The following ZNF385D variants were observed in gnomAD, a reference collection of about 807,000 sequenced individuals.
ZNF385D encodes the protein zinc finger protein 385D, also known as zinc finger protein 659.
In ZNF385D, 15 loss-of-function variants were observed where a neutral mutation model predicts 35.8. The ratio of observed to expected loss-of-function variants is 0.42; its 90% confidence interval spans 0.28 to 0.64. The LOEUF is 0.64. Ranked by LOEUF, ZNF385D falls within the 30% of genes least tolerant of loss-of-function variation. The pLI is 0.23. For missense variants in ZNF385D, 474 were observed against 494.6 expected, an observed-to-expected ratio of 0.96 and a Z score of 0.39; for synonymous variants, 212 against 186.8, an observed-to-expected ratio of 1.13 and a Z score of -1.10.
intron 2 of ZNF385D, among the ~76,000 whole-genome samples, chr3:21,591,279 C>T (rs1378724091): frequency 6.6e-6 from 1 of 151,502 alleles, no homozygotes; most frequent in Non-Finnish European, 1.5e-5. Context: ...TTTTTTTTTA[C>T]AAGTGCCCCC....
chr3:21,522,674 TG>T (rs1707983516), intron 3 of ZNF385D, among the ~76,000 whole-genome samples: 1 of 152,054 alleles, frequency 6.6e-6, no homozygotes, highest in African/African-American at 2.4e-5. Flanking sequence ...CGAAGTGGTT[TG>T]GGGACTAGAT....
intron 2 of ZNF385D, among the ~76,000 whole-genome samples, chr3:22,201,709 T>C (rs1696812173): frequency 6.6e-6 from 1 of 151,954 alleles, no homozygotes; most frequent in African/African-American, 2.4e-5. Flanking sequence ...TGACCACATA[T>C]TTGTAATACT....
upstream of ZNF385D, among the ~76,000 whole-genome samples, chr3:21,755,463 A>G (rs936259417): frequency 6.6e-6 from 1 of 152,198 alleles, no homozygotes; most frequent in Non-Finnish European, 1.5e-5. Flanking sequence ...TATGGCTATA[A>G]TTCACCTGAA....
At chr3:21,770,769 G>A (rs1266744693) in intron 3 of ZNF385D, among the ~76,000 whole-genome samples, 2 of 152,056 alleles carry the variant, frequency 1.3e-5, no homozygotes, top group Admixed American at 1.3e-4. Context: ...AAATCATGCT[G>A]CTATAAAGAC....
chr3:22,044,144 G>C (rs1698843168), intron 3 of ZNF385D, among the ~76,000 whole-genome samples: 1 of 150,674 alleles, frequency 6.6e-6, no homozygotes, highest in African/African-American at 2.4e-5. Context: ...GGTATGCTGT[G>C]ATTGTACAGA....
chr3:21,851,908 C>T (rs1696408869), intron 3 of ZNF385D, among the ~76,000 whole-genome samples: 1 of 152,008 alleles, frequency 6.6e-6, no homozygotes, highest in Non-Finnish European at 1.5e-5. Flanking sequence ...CTCAACCTAA[C>T]ACAGTCCCTG....
At chr3:21,767,386 TC>T (rs2070875896) in intron 3 of ZNF385D, among the ~76,000 whole-genome samples, 1 of 150,436 alleles carries the variant, frequency 6.6e-6, no homozygotes, top group African/African-American at 2.5e-5. Flanking sequence ...TTCTTTTTTT[TC>T]CAAGATTGAA....
At chr3:22,023,995 G>C (rs2125460847) in intron 3 of ZNF385D, among the ~76,000 whole-genome samples, 1 of 152,278 alleles carries the variant, frequency 6.6e-6, no homozygotes, top group South Asian at 2.1e-4. Context: ...GGGTATGTCT[G>C]TGAGGATGTT....
At chr3:21,838,573 T>C (rs1695470607) in intron 3 of ZNF385D, among the ~76,000 whole-genome samples, 1 of 152,024 alleles carries the variant, frequency 6.6e-6, no homozygotes, top group African/African-American at 2.4e-5. Context: ...AATAGCGGCT[T>C]TGAGTGTCAA....
At position 22,071,051 on chromosome 3, in the gene ZNF385D, C is replaced by G. The variant is rs78072403; in HGVS notation, c.325+97766G>C. Among the ~76,000 whole-genome samples, 835 of 152,178 alleles carry G rather than the reference C, an allele frequency of 5.5e-3. 7 individuals are homozygous for G. The highest frequency in any genetic ancestry group is 0.019 in the African/African-American group (795 of 41,528). On this transcript the variant is annotated intron_variant, in intron 3 of 5. Coordinates refer to the ZNF385D transcript ENST00000494108. Reference sequence around the variant, plus strand: ...TGAAAAGAATAAAAATATTGATGCACTGAACACTTTGAAATAGAAAGGTAA... The same window carrying G: ...TGAAAAGAATAAAAATATTGATGCAGTGAACACTTTGAAATAGAAAGGTAA...
At chr3:22,307,726 A>G (rs888091035) in intron 2 of ZNF385D, among the ~76,000 whole-genome samples, 2 of 148,410 alleles carry the variant, frequency 1.3e-5, no homozygotes, top group African/African-American at 4.9e-5. Flanking sequence ...TAGCATACCT[A>G]GAATTTATTG....
chr3:22,310,439 A>G (rs545147790), intron 2 of ZNF385D, among the ~76,000 whole-genome samples: 4 of 152,108 alleles, frequency 2.6e-5, no homozygotes, highest in South Asian at 2.1e-4. Context: ...TAGATCTACT[A>G]TAATATATCC....
chr3:22,033,201 A>G (rs1031516865), intron 3 of ZNF385D, among the ~76,000 whole-genome samples: 1 of 152,004 alleles, frequency 6.6e-6, no homozygotes. Context: ...CAGGCATTCG[A>G]GACCAAACGG....
At chr3:22,318,097 C>T (rs548600969) in intron 2 of ZNF385D, among the ~76,000 whole-genome samples, 2 of 151,756 alleles carry the variant, frequency 1.3e-5, no homozygotes, top group East Asian at 3.9e-4. Flanking sequence ...AGTGCCAGTA[C>T]ATGGAGAGTG....
chr3:22,145,092 G>A (rs563600784), intron 3 of ZNF385D, among the ~76,000 whole-genome samples: 2 of 151,904 alleles, frequency 1.3e-5, no homozygotes, highest in Non-Finnish European at 2.9e-5. Context: ...TACTCAAAAT[G>A]TCCTATGTAC....
intron 2 of ZNF385D, among the ~76,000 whole-genome samples, chr3:22,279,138 G>A (rs146102609): frequency 6.6e-6 from 1 of 151,924 alleles, no homozygotes. Context: ...GGTTTTGGGG[G>A]AACAGGTGAT....
At chr3:22,348,008 A>C (rs918522972) in intron 2 of ZNF385D, among the ~76,000 whole-genome samples, 24 of 152,066 alleles carry the variant, frequency 1.6e-4, no homozygotes, top group Non-Finnish European at 3.2e-4. Context: ...CTACTTCTGG[A>C]ATTTTGTGAT....
In ZNF385D at chr3:21,882,326, G is replaced by A. The variant is rs139786984; in HGVS notation, c.326-217298C>T. Among the ~76,000 whole-genome samples the A allele has an allele frequency of 4.7e-3, 709 of 151,946 alleles. 9 individuals carry two copies. Among genetic ancestry groups the A allele is most frequent in the African/African-American group, 0.017 (689 of 41,446 alleles). On this transcript the variant is annotated intron_variant, in intron 3 of 5. Transcript: ENST00000494108. Reference sequence around the variant, plus strand: ...TTCAGCCAGCAGGCATCAACATCAAGGCAAGACCTTCCACCAACGAAAAGA... The same window carrying A: ...TTCAGCCAGCAGGCATCAACATCAAAGCAAGACCTTCCACCAACGAAAAGA...
chr3:21,565,365 A>G (rs1255314253), intron 2 of ZNF385D, among the ~76,000 whole-genome samples: 1 of 152,096 alleles, frequency 6.6e-6, no homozygotes, highest in Non-Finnish European at 1.5e-5. Flanking sequence ...AATGTCAGCA[A>G]TCCAGCTCTG....
Sources: gnomAD v4.1 joint callset for allele counts (sites outside exome capture counted in the v4.1 genomes callset) on GRCh38, gnomAD v4.1.1 for gene constraint, MANE v1.5 for transcripts, NCBI Gene and HGNC (gene_info 2026-07-23, HGNC 2026-07-21) for gene names.